ACTR3C: variants seen among roughly 807,000 people sequenced by gnomAD.
ACTR3C encodes actin related protein 3C.
ACTR3C carries 18 observed loss-of-function variants against 26.3 expected under a neutral mutation model. The ratio of observed to expected loss-of-function variants is 0.68; its 90% CI spans 0.47 to 1.01. The LOEUF (loss-of-function observed/expected upper bound fraction) is 1.01. Among genes scored for constraint, ACTR3C ranks in the 50% least tolerant of loss-of-function variants. The pLI, the probability that ACTR3C is intolerant of heterozygous loss-of-function variation, is 0.00. For missense variants in ACTR3C, 184 were observed against 250.7 expected (o/e 0.73, Z 1.80); for synonymous variants, 55 against 94.5 (o/e 0.58, Z 2.42).
At chr7:150,316,676 G>T (rs1796951408) in intron 1 of ACTR3C, among the ~76,000 whole-genome samples, 1 of 151,954 alleles carries the variant, frequency 6.6e-6, no homozygotes, top group Non-Finnish European at 1.5e-5. Flanking sequence ...AGTAGAGACG[G>T]GGTTTCACCA....
the ACTR3C span, among the ~76,000 whole-genome samples, chr7:149,917,668 ACT>A: frequency 0.94 from 122,566 of 130,856 alleles, 58,037 homozygotes; most frequent in East Asian, 1. Context: ...ACAGGGTCTC[ACT>A]CTGTCACCCA....
the ACTR3C span, among the ~76,000 whole-genome samples, chr7:150,172,931 G>T: frequency 2.7e-5 from 4 of 150,080 alleles, no homozygotes; most frequent in Non-Finnish European, 5.9e-5. Context: ...GCTGATGCAA[G>T]AGGTGGGTTC....
chr7:150,199,901 GAAC>G, the ACTR3C span, among the ~76,000 whole-genome samples: 1 of 151,840 alleles, frequency 6.6e-6, no homozygotes, highest in Non-Finnish European at 1.5e-5. Flanking sequence ...AAATAAACAG[GAAC>G]AACAAGGTAC....
chr7:150,048,527 G>C, the ACTR3C span, among the ~76,000 whole-genome samples: 1 of 152,088 alleles, frequency 6.6e-6, no homozygotes, highest in Non-Finnish European at 1.5e-5. Flanking sequence ...CTGCGGCCCC[G>C]CCGAAGGTAG....
At chr7:150,198,057 GC>G in the ACTR3C span, among the ~76,000 whole-genome samples, 1 of 151,536 alleles carries the variant, frequency 6.6e-6, no homozygotes, top group Non-Finnish European at 1.5e-5. Flanking sequence ...TGTTGGCCGG[GC>G]CGGTCTCCAG....
At chr7:150,199,410 T>G in the ACTR3C span, among the ~76,000 whole-genome samples, 27 of 108,066 alleles carry the variant, frequency 2.5e-4, no homozygotes, top group East Asian at 5.6e-3. Context: ...GAAGGCAGCA[T>G]GCTCGTTAAG....
At chr7:150,042,417 C>T in the ACTR3C span, among the ~76,000 whole-genome samples, 3 of 146,582 alleles carry the variant, frequency 2.0e-5, no homozygotes, top group Non-Finnish European at 3.0e-5. Context: ...GTCCCCGCGT[C>T]GCGAGGGGTG....
At position 150,253,516 on chromosome 7, in the gene ACTR3C, CT is replaced by C. The variant is rs199518045; in HGVS notation, c.565-4463del. Among the ~76,000 whole-genome samples the C allele has an allele frequency of 5.2e-3, 789 of 152,234 alleles. 5 individuals are homozygous for C. The highest frequency in any genetic ancestry group is 0.018 in the African/African-American group (741 of 41,518). On this transcript the variant is annotated intron_variant, in intron 6 of 7. Transcript: ENST00000683684. ...AAAGTTTTGCTGTAACCTGAGATCCCTTTTCTCTCCCTGGTGACATTGCATC... is the reference window on the plus strand; with the variant it reads ...AAAGTTTTGCTGTAACCTGAGATCCCTTTCTCTCCCTGGTGACATTGCATC...
chr7:150,293,021 G>C (rs1313736840), intron 3 of ACTR3C, among the ~76,000 whole-genome samples: 14 of 152,258 alleles, frequency 9.2e-5, no homozygotes, highest in Middle Eastern at 3.4e-3. Context: ...TGAAGATCCA[G>C]AGACATCCTG....
the ACTR3C span, among the ~76,000 whole-genome samples, chr7:150,195,582 G>T: frequency 1.3e-5 from 2 of 151,770 alleles, no homozygotes; most frequent in South Asian, 4.1e-4. Context: ...CTTTCAAAAA[G>T]ATCACTTCAG....
At chr7:150,266,831 T>C (rs1470639065) in intron 6 of ACTR3C, among the ~76,000 whole-genome samples, 2 of 152,158 alleles carry the variant, frequency 1.3e-5, no homozygotes, top group African/African-American at 4.8e-5. Flanking sequence ...CAGTCAACAA[T>C]ATTTGTCATC....
At chr7:150,198,765 GC>G in the ACTR3C span, among the ~76,000 whole-genome samples, 3 of 128,790 alleles carry the variant, frequency 2.3e-5, no homozygotes, top group African/African-American at 1.0e-4. Context: ...GGGGGGGTCA[GC>G]CCCCCGCCTG....
chr7:150,249,485 A>G (rs1396748118), intron 6 of ACTR3C, among the ~76,000 whole-genome samples: 1 of 152,032 alleles, frequency 6.6e-6, no homozygotes, highest in Non-Finnish European at 1.5e-5. Context: ...ATGGAGTCTC[A>G]TTCTGTCACC....
chr7:150,306,884 T>C (rs897649294), intron 1 of ACTR3C, among the ~76,000 whole-genome samples: 3 of 152,226 alleles, frequency 2.0e-5, no homozygotes, highest in Non-Finnish European at 4.4e-5. Context: ...GGTTTATTCA[T>C]ACAAGGGAGT....
chr7:150,019,581 A>C, the ACTR3C span, among the ~76,000 whole-genome samples: 1 of 145,818 alleles, frequency 6.9e-6, no homozygotes, highest in Admixed American at 6.9e-5. Flanking sequence ...ACAGAGCAAG[A>C]CTCTGTCTCA....
the ACTR3C span, among the ~76,000 whole-genome samples, chr7:150,198,976 A>AGG: frequency 1.1e-5 from 1 of 89,920 alleles, no homozygotes; most frequent in African/African-American, 5.8e-5. Flanking sequence ...TCCGGGAGGG[A>AGG]GGTGGGGGGG....
chr7:150,305,646 C>T (rs1412357596), intron 1 of ACTR3C, among the ~76,000 whole-genome samples: 5 of 152,180 alleles, frequency 3.3e-5, no homozygotes, highest in African/African-American at 4.8e-5. Context: ...ATTCAGTTTC[C>T]ACTCAAGAGC....
chr7:150,035,957 G>C, the ACTR3C span, among the ~76,000 whole-genome samples: 1 of 121,366 alleles, frequency 8.2e-6, no homozygotes, highest in African/African-American at 3.2e-5. Flanking sequence ...CAGAGCCAGG[G>C]CGGGAAGAGG....
At chr7:150,074,497 G>C in the ACTR3C span, 3 of 151,842 alleles carry the variant, frequency 2.0e-5, no homozygotes, top group African/African-American at 7.3e-5. Context: ...TTCTTACTGG[G>C]GGTTAGTCAT....
Sources: allele counts gnomAD v4.1 joint callset (sites outside exome capture counted in the v4.1 genomes callset), GRCh38; gene constraint gnomAD v4.1.1; transcripts MANE v1.5; gene names NCBI Gene and HGNC (gene_info 2026-07-23, HGNC 2026-07-21).